ATAD3B: variants seen among roughly 807,000 people sequenced by gnomAD.
ATAD3B encodes the protein ATPase family AAA domain-containing protein 3B.
A neutral mutation model predicts 70.2 loss-of-function variants in ATAD3B; 59 were observed. That is an observed-to-expected ratio of 0.84 (90% CI 0.68 to 1.04). The LOEUF is 1.04. ATAD3B is among the 50% of genes least tolerant of loss of function. The pLI is 0.00. For synonymous variants in ATAD3B, 423 were observed against 388.6 expected, an observed-to-expected ratio of 1.09 and a Z score of -1.04; for missense variants, 961 against 913.4, an observed-to-expected ratio of 1.05 and a Z score of -0.67.
chr1:1,492,792 A>T (rs1434812712), intron 15 of ATAD3B, among the ~76,000 whole-genome samples: 1 of 151,658 alleles, frequency 6.6e-6, no homozygotes, highest in Non-Finnish European at 1.5e-5. Context: ...TAAAAAAATT[A>T]TCCAGGCGTG....
At chr1:1,486,373 G>T (rs1304265120) in intron 10 of ATAD3B, 138 bp downstream of exon 10, 4 of 1,576,564 alleles carry the variant, frequency 2.5e-6, no homozygotes, top group African/African-American at 2.8e-5. Context: ...CAGGGTGCTG[G>T]TGTGGGCAGC....
chr1:1,475,498 A>G (rs970928386), intron 1 of ATAD3B, among the ~76,000 whole-genome samples: 2 of 151,602 alleles, frequency 1.3e-5, no homozygotes, highest in African/African-American at 4.8e-5. Flanking sequence ...GCTGCTCTCC[A>G]GGCAAACGGG....
chr1:1,506,789 T>TTC, the ATAD3B span, among the ~76,000 whole-genome samples: 4 of 142,830 alleles, frequency 2.8e-5, no homozygotes, highest in African/African-American at 1.0e-4. Context: ...TCTTTTTTCT[T>TTC]TTTTTTTTTT....
the ATAD3B span, among the ~76,000 whole-genome samples, chr1:1,507,073 C>T: frequency 3.9e-5 from 6 of 152,176 alleles, no homozygotes; most frequent in East Asian, 1.2e-3. Context: ...AGGCGTGAGC[C>T]ACCGCCCGCG....
rs530213411 is a variant in ATAD3B, at chr1:1,482,065, C to T, written c.515-73C>T. ...GGCGTGGGCCGGTCCGTGGCGTGGG[C>T]CGGTCCACAGTGTGGGTGGAGGTGG... On this transcript the variant is annotated intron_variant, in intron 5 of 15. Coordinates refer to ENST00000673477, the MANE Select transcript of ATAD3B (RefSeq NM_031921.6). 374 of 1,548,024 alleles carry T rather than the reference C, an allele frequency of 2.4e-4. 4 individuals carry two copies. In the Middle Eastern group the frequency reaches 3.2e-3, roughly 13 times the overall value.
rs937542077 is a variant in ATAD3B at position 1,482,911 on chromosome 1, G to A, written c.750+297G>A. ...TGCTACTCGAGAGGCTGAGGTAGGA[G>A]GATCACTTAAGCCCAGGAGGTTTGG... On this transcript the variant is annotated intron_variant, in intron 7 of 15. Coordinates refer to ENST00000673477, the MANE Select transcript of ATAD3B (RefSeq NM_031921.6). 7.9e-5 allele frequency: 41 copies of A among 517,890 alleles called. 1 individual carries two copies. Among genetic ancestry groups the A allele is most frequent in the Non-Finnish European group, 1.4e-4 (39 of 272,716 alleles). The allele number at this position is 517,890 out of a possible 1,614,324, so 32.1% of individuals were successfully genotyped here.
chr1:1,497,124 C>A lies in ATAD3B; in HGVS notation c.*1307C>A, dbSNP rs1271325989. ...CAACGGTCCCATCGGAGAGCAGACC[C>A]CTCGGAGCTGCAGTGCTTGGAGGGG... On this transcript the variant is annotated 3_prime_UTR_variant, in exon 16 of 16. Coordinates refer to ENST00000673477, the MANE Select transcript of ATAD3B (RefSeq NM_031921.6). The A allele has an allele frequency of 6.6e-6, 1 of 152,198 alleles. No homozygotes were observed. The highest frequency in any genetic ancestry group is 1.9e-4 in the East Asian group (1 of 5,180). 9.4% of individuals were successfully genotyped at this position (152,198 alleles called of 1,614,324 possible).
chr1:1,490,029 G>A, intron 13 of ATAD3B: 1 of 1,386,232 alleles, frequency 7.2e-7, no homozygotes, highest in South Asian at 1.5e-5. Context: ...TACCACACAG[G>A]GCAAGAACAG....
downstream of ATAD3B, among the ~76,000 whole-genome samples, chr1:1,498,150 G>A (rs1751474): frequency 4.7e-5 from 7 of 147,732 alleles, no homozygotes; most frequent in Admixed American, 1.3e-4. Context: ...TTAAAAATAC[G>A]AAAGTTAGCC....
rs370961407 is a variant in ATAD3B, at chr1:1,485,486, G to T, written c.907-296G>T. Among the ~76,000 whole-genome samples the T allele has an allele frequency of 6.6e-5, 10 of 152,246 alleles. No homozygotes were observed. The South Asian group carries it at 1.7e-3, about 25-fold the overall frequency. On this transcript the variant is annotated intron_variant, in intron 8 of 15. Coordinates refer to ENST00000673477, the MANE Select transcript of ATAD3B (RefSeq NM_031921.6). The stretch of plus-strand genomic sequence containing the variant: ...CGGGGAAGCTGCTACAGGCCATGGC[G>T]TCTGGTGGCCTCCCTGGGGAGCCGC...
rs774408088 is a variant in ATAD3B at position 1,485,835 on chromosome 1, T to C, written c.960T>C (p.Leu320=). ...AGGACGTGCTGGAGGGTGTTGTGCTTAGTGTAAGTCGGTGTGCCTGGGACC... is the reference window on the plus strand; with the variant it reads ...AGGACGTGCTGGAGGGTGTTGTGCTCAGTGTAAGTCGGTGTGCCTGGGACC... ...RPQDVLEGVV[L]SPSLEARVRD... is the part of the protein sequence containing the mutation. Residue 320 remains leucine, a synonymous_variant, in exon 9 of 16, where the codon CTT becomes CTC. Coordinates refer to ENST00000673477, the MANE Select transcript of ATAD3B (RefSeq NM_031921.6). The C allele has an allele frequency of 4.7e-5, 75 of 1,612,806 alleles. 1 individual carries two copies. Among genetic ancestry groups the C allele is most frequent in the Admixed American group, 1.3e-4 (8 of 59,944 alleles).
chr1:1,508,089 CCA>C, the ATAD3B span, among the ~76,000 whole-genome samples: 1 of 152,182 alleles, frequency 6.6e-6, no homozygotes. Flanking sequence ...TGAGGTGCAG[CCA>C]CTCGGGTGGA....
chr1:1,500,967 C>G (rs1320007021), downstream of ATAD3B, among the ~76,000 whole-genome samples: 1 of 152,062 alleles, frequency 6.6e-6, no homozygotes, highest in Non-Finnish European at 1.5e-5. Flanking sequence ...AAAGCCACTC[C>G]AAAGGCATAC....
chr1:1,492,079 G>A (rs1182040517), intron 15 of ATAD3B, among the ~76,000 whole-genome samples: 1 of 151,974 alleles, frequency 6.6e-6, no homozygotes, highest in African/African-American at 2.4e-5. Flanking sequence ...CCAGCTGCTT[G>A]GGAGGCTGAG....
At chr1:1,499,109 C>T (rs1431475227), downstream of ATAD3B, among the ~76,000 whole-genome samples, 3 of 151,654 alleles carry the variant, frequency 2.0e-5, no homozygotes, top group East Asian at 3.9e-4. Context: ...GTAGCTGGGA[C>T]CACAGGTGCC....
chr1:1,494,718 A>G (rs1037981935), intron 15 of ATAD3B, among the ~76,000 whole-genome samples: 56 of 152,012 alleles, frequency 3.7e-4, no homozygotes, highest in African/African-American at 1.3e-3. Context: ...TCTGGGAGGT[A>G]CAGCTGGGAC....
rs572132833 is a variant in ATAD3B, at chr1:1,479,467, C to G, written c.444+359C>G. On this transcript the variant is annotated intron_variant, in intron 4 of 15. Coordinates refer to ENST00000673477, the MANE Select transcript of ATAD3B (RefSeq NM_031921.6). ...ACATGGGGAAACATGGGCCCACACA[C>G]ACACACCCCTGTGCGCACACACCCC... 6.1e-3 allele frequency among the ~76,000 whole-genome samples: 872 copies of G among 142,714 alleles called. 67 individuals are homozygous for G. The highest frequency in any genetic ancestry group is 9.2e-3 in the Non-Finnish European group (607 of 65,734). The allele number at this position is 142,714 out of a possible 152,430, so 93.6% of individuals were successfully genotyped here.
At chr1:1,487,560 C>T (rs1267980079) in intron 11 of ATAD3B, among the ~76,000 whole-genome samples, 4 of 151,686 alleles carry the variant, frequency 2.6e-5, no homozygotes, top group Non-Finnish European at 5.9e-5. Flanking sequence ...GTGGGTGAAA[C>T]CTGCAGGGCG....
At chr1:1,492,628 C>T (rs1640593290) in intron 15 of ATAD3B, among the ~76,000 whole-genome samples, 1 of 150,462 alleles carries the variant, frequency 6.6e-6, no homozygotes, top group Admixed American at 6.6e-5. Context: ...GACCCCACCT[C>T]TACTAAAAAT....
Sources: gnomAD v4.1 joint callset for allele counts (sites outside exome capture counted in the v4.1 genomes callset) on GRCh38, gnomAD v4.1.1 for gene constraint, MANE v1.5 for transcripts, NCBI Gene and HGNC (gene_info 2026-07-23, HGNC 2026-07-21) for gene names.